WDR1: variants seen among roughly 807,000 people sequenced by gnomAD.
WDR1 encodes the protein WD repeat-containing protein 1.
Under a neutral mutation model 71.9 loss-of-function variants are expected in WDR1, and 21 were observed. That is an observed-to-expected ratio of 0.29 (90% confidence interval 0.21 to 0.42). The LOEUF (loss-of-function observed/expected upper bound fraction) is 0.42, where lower values mean the gene tolerates loss of function less well. Ranked by LOEUF, WDR1 falls within the 10% of genes least tolerant of loss-of-function variation. The pLI is 1.00. For synonymous variants in WDR1, 424 were observed against 347.4 expected, an observed-to-expected ratio of 1.22 and a Z score of -2.45; for missense variants, 696 against 824.5, an observed-to-expected ratio of 0.84 and a Z score of 1.91.
intron 8 of WDR1, among the ~76,000 whole-genome samples, chr4:10,086,423 T>C (rs1045026679): frequency 6.6e-6 from 1 of 150,628 alleles, no homozygotes; most frequent in Admixed American, 6.6e-5. Context: ...ACCGTGACTC[T>C]ATGCATGAGC....
chr4:10,110,559 C>T (rs1008651368), intron 2 of WDR1, among the ~76,000 whole-genome samples: 2 of 152,164 alleles, frequency 1.3e-5, no homozygotes, highest in Admixed American at 6.5e-5. Context: ...CCGTGTGTCT[C>T]AACGCTCCTC....
intron 10 of WDR1, among the ~76,000 whole-genome samples, chr4:10,082,758 G>C (rs150136534): frequency 5.3e-5 from 8 of 152,226 alleles, no homozygotes; most frequent in Non-Finnish European, 1.2e-4. Context: ...CTGGAGAACA[G>C]GGCTGTGATC....
At chr4:10,077,584 C>G in intron 13 of WDR1, 136 bp from the exon 14 acceptor site, 1 of 1,495,596 alleles carries the variant, frequency 6.7e-7, no homozygotes, top group Non-Finnish European at 9.0e-7. Context: ...GCGACCCCTG[C>G]AAACCCACTG....
rs1713700871 is a variant in WDR1 at position 10,116,059 on chromosome 4, C to G, written c.138+54G>C. On this transcript the variant is annotated intron_variant, in intron 2 of 14. Transcript: ENST00000499869. ...AGAAGTGGAGAGGAAGGCGAATTAT[C>G]CCATCCCAAGGTGGCTCCGGAGCAG... The G allele has an allele frequency of 2.5e-6, 4 of 1,587,570 alleles. No individual in the cohort carries two copies. The South Asian group carries it at 3.4e-5, about 13-fold the overall frequency.
rs771946416 is a variant in WDR1 at position 10,077,333 on chromosome 4, C to G, written c.1685G>C (p.Ser562Thr). ...GATCTTGACTCTGGTTTCCGGGTCA[C>G]TCAGGGTCCAAACATACACCATCAT... Reference protein sequence around the residue: ...MDMMVYVWTLSDPETRVKIQD... With the variant: ...MDMMVYVWTLTDPETRVKIQD... Residue 562 changes from serine (S) to threonine (T), a missense_variant, in exon 14 of 15, where the codon AGT (serine) becomes ACT (threonine). Ser to Thr is a moderately conservative substitution (Grantham distance 58, BLOSUM62 1). Coordinates refer to ENST00000499869, the MANE Select transcript of WDR1 (RefSeq NM_017491.5). 6 of 1,613,896 alleles carry G rather than the reference C, an allele frequency of 3.7e-6. No individual in the cohort carries two copies. Among genetic ancestry groups the G allele is most frequent in the Middle Eastern group, 3.3e-4 (2 of 6,080 alleles).
rs757328128 is a variant in WDR1, at chr4:10,075,028, G to A, written c.*350C>T. ...CTCATTCACCTGTACAACCTCCCCT[G>A]ACAGATAGTGAGAGCCGCGGCGGGG... On this transcript the variant is annotated 3_prime_UTR_variant, in exon 15 of 15. Coordinates refer to ENST00000499869, the MANE Select transcript of WDR1 (RefSeq NM_017491.5). The A allele has an allele frequency of 2.4e-4, 90 of 379,224 alleles. No homozygotes were observed. The highest frequency in any genetic ancestry group is 3.8e-4 in the Non-Finnish European group (79 of 210,226). 23.5% of individuals were successfully genotyped at this position (379,224 alleles called of 1,614,324 possible).
chr4:10,097,715 A>G lies in WDR1; in HGVS notation c.554T>C (p.Ile185Thr), dbSNP rs1441928715. 3 of 1,608,676 alleles carry G rather than the reference A, an allele frequency of 1.9e-6. No homozygotes were observed. The highest frequency in any genetic ancestry group is 2.6e-6 in the Non-Finnish European group (3 of 1,176,144). Reference protein sequence around the residue: ...EGPPFKFKFTIGDHSRFVNCV... With the variant: ...EGPPFKFKFTTGDHSRFVNCV... ...CCAAAAAGTAAGTTCACTTACGCCA[A>G]TTGTGAACTTGAACTTGAATGGGGG... Residue 185 changes from isoleucine to threonine, a missense_variant, in exon 5 of 15, where the codon ATT (isoleucine) becomes ACT (threonine). Coordinates refer to ENST00000499869, the MANE Select transcript of WDR1 (RefSeq NM_017491.5).
chr4:10,094,135 T>C (rs760139149), intron 5 of WDR1, among the ~76,000 whole-genome samples: 3 of 152,146 alleles, frequency 2.0e-5, no homozygotes, highest in Non-Finnish European at 4.4e-5. Flanking sequence ...AATCACAGCT[T>C]GTTAGATCTG....
intron 3 of WDR1, 22 bp downstream of exon 3, chr4:10,103,874 G>C: frequency 7.2e-7 from 1 of 1,393,218 alleles, no homozygotes; most frequent in Non-Finnish European, 9.6e-7. Flanking sequence ...AGGTGTCCAC[G>C]AGCCTTGCCC....
chr4:10,077,517 C>T, intron 13 of WDR1, 69 bp from the exon 14 acceptor site: 2 of 1,603,774 alleles, frequency 1.2e-6, no homozygotes, highest in Admixed American at 1.7e-5. Flanking sequence ...TATCACCTCG[C>T]TTATCCCTCA....
chr4:10,100,762 G>T (rs1712634487), intron 3 of WDR1, among the ~76,000 whole-genome samples: 1 of 152,224 alleles, frequency 6.6e-6, no homozygotes, highest in South Asian at 2.1e-4. Flanking sequence ...TGATAAAACA[G>T]GCCGGGGGGG....
At chr4:10,099,186 A>AGGGGG in intron 3 of WDR1, 47 bp from the exon 4 acceptor site, 1 of 869,934 alleles carries the variant, frequency 1.1e-6, no homozygotes, top group Non-Finnish European at 1.6e-6. Context: ...GTGGTGGGGT[A>AGGGGG]AAGGGCAGGG....
At chr4:10,110,707 A>G (rs1052728675) in intron 2 of WDR1, among the ~76,000 whole-genome samples, 3 of 152,200 alleles carry the variant, frequency 2.0e-5, no homozygotes, top group African/African-American at 7.2e-5. Context: ...GAAGCACTTA[A>G]CCTGGTGCCT....
In WDR1 at chr4:10,103,938, C is replaced by T; in HGVS notation, c.187G>A (p.Val63Met). Residue 63 changes from valine to methionine, a missense_variant, in exon 3 of 15, where the codon GTG (valine) becomes ATG (methionine). Coordinates refer to ENST00000499869, the MANE Select transcript of WDR1 (RefSeq NM_017491.5). Reference sequence around the variant, plus strand: ...AATCCGCTGGGCGCATACTTGGCCACCACCACCTGATGGGCGTGCTCTGTG... The same window carrying T: ...AATCCGCTGGGCGCATACTTGGCCATCACCACCTGATGGGCGTGCTCTGTG... ...IYTEHAHQVV[V>M]AKYAPSGFYI... 6.2e-7 allele frequency: 1 copy of T among 1,603,082 alleles called. No homozygotes were observed. The highest frequency in any genetic ancestry group is 1.1e-5 in the South Asian group (1 of 88,512).
chr4:10,082,363 G>T (rs982015398), intron 10 of WDR1, among the ~76,000 whole-genome samples: 1 of 152,054 alleles, frequency 6.6e-6, no homozygotes, highest in Non-Finnish European at 1.5e-5. Context: ...GTGACAAAGG[G>T]GTCTACACAA....
intron 2 of WDR1, among the ~76,000 whole-genome samples, chr4:10,113,833 G>C (rs1428467736): frequency 6.6e-6 from 1 of 152,266 alleles, no homozygotes; most frequent in Non-Finnish European, 1.5e-5. Context: ...TTTGGGGCCT[G>C]AACAGCTGGA....
At chr4:10,079,325 G>T (rs1470643205) in intron 11 of WDR1, among the ~76,000 whole-genome samples, 1 of 152,276 alleles carries the variant, frequency 6.6e-6, no homozygotes, top group Admixed American at 6.5e-5. Flanking sequence ...TTCAGGGTAA[G>T]AAAGGTACTA....
chr4:10,077,242 A>T, intron 14 of WDR1, 62 bp downstream of exon 14: 1 of 1,601,588 alleles, frequency 6.2e-7, no homozygotes, highest in Admixed American at 1.7e-5. Context: ...ACAGCCTGTG[A>T]GGTGGCCCAT....
chr4:10,112,710 C>T (rs1311444771), intron 2 of WDR1, among the ~76,000 whole-genome samples: 1 of 152,244 alleles, frequency 6.6e-6, no homozygotes. Flanking sequence ...CTGAGCTTTC[C>T]TTGTTCTCAT....
Sources: allele counts gnomAD v4.1 joint callset (sites outside exome capture counted in the v4.1 genomes callset), GRCh38; gene constraint gnomAD v4.1.1; transcripts MANE v1.5; gene names NCBI Gene and HGNC (gene_info 2026-07-23, HGNC 2026-07-21).